The following RBM47 variants were observed in gnomAD, a reference collection of about 807,000 sequenced individuals.
RBM47 encodes the protein RNA binding motif protein 47.
In RBM47, 21 loss-of-function variants were observed where a neutral mutation model predicts 47.1. The observed-to-expected ratio is 0.45, with a 90% CI of 0.32 to 0.64. The LOEUF (loss-of-function observed/expected upper bound fraction) is 0.64, where lower values mean the gene tolerates loss of function less well. Among genes scored for constraint, RBM47 ranks in the 30% least tolerant of loss-of-function variants. The pLI is 0.05. For missense variants in RBM47, 708 were observed against 870.9 expected (o/e 0.81, Z 2.35); for synonymous variants, 375 against 361.7 (o/e 1.04, Z -0.42).
intron 1 of RBM47, among the ~76,000 whole-genome samples, chr4:40,558,310 A>G (rs1577956338): frequency 6.6e-6 from 1 of 152,082 alleles, no homozygotes; most frequent in African/African-American, 2.4e-5. Flanking sequence ...AACTTAAACT[A>G]TATCGAATTC....
intron 2 of RBM47, among the ~76,000 whole-genome samples, chr4:40,494,715 G>C (rs1221812190): frequency 1.3e-5 from 2 of 152,124 alleles, no homozygotes; most frequent in Non-Finnish European, 2.9e-5. Context: ...AGAAGCCAGG[G>C]ACAGGTACAG....
intron 1 of RBM47, among the ~76,000 whole-genome samples, chr4:40,565,651 T>C (rs1045249340): frequency 8.5e-5 from 13 of 152,210 alleles, no homozygotes; most frequent in African/African-American, 1.9e-4. Context: ...CTACTACTTA[T>C]ATTCTCTGAG....
intron 1 of RBM47, among the ~76,000 whole-genome samples, chr4:40,614,895 T>C (rs548905896): frequency 6.6e-6 from 1 of 152,024 alleles, no homozygotes; most frequent in African/African-American, 2.4e-5. Context: ...AGTTACTAGA[T>C]AGCGCCTCAT....
chr4:40,500,372 G>A (rs527696063), intron 2 of RBM47, among the ~76,000 whole-genome samples: 3 of 152,308 alleles, frequency 2.0e-5, no homozygotes, highest in East Asian at 3.9e-4. Context: ...AGCACTTCGG[G>A]AGGCCGAGAT....
At chr4:40,511,850 G>C (rs12503112) in intron 2 of RBM47, among the ~76,000 whole-genome samples, 1 of 150,576 alleles carries the variant, frequency 6.6e-6, no homozygotes, top group Non-Finnish European at 1.5e-5. Context: ...CAGGAGAATC[G>C]CCTGAACCTG....
chr4:40,600,888 G>A (rs1424338957), intron 1 of RBM47, among the ~76,000 whole-genome samples: 2 of 148,666 alleles, frequency 1.3e-5, no homozygotes, highest in South Asian at 2.1e-4. Flanking sequence ...AGGAGGCTGA[G>A]GGAGGAGAAT....
chr4:40,521,918 T>C lies in RBM47; in HGVS notation c.-155+22504A>G, dbSNP rs185034458. 8.5e-4 allele frequency among the ~76,000 whole-genome samples: 129 copies of C among 152,340 alleles called. 1 individual carries two copies. The highest frequency in any genetic ancestry group is 3.1e-3 in the African/African-American group (127 of 41,590). On this transcript the variant is annotated intron_variant, in intron 2 of 6. Coordinates refer to ENST00000295971, the MANE Select transcript of RBM47 (RefSeq NM_001098634.2). ...AGAAAAAATTTGGGGGCAACCTGCA[T>C]TTATCACCACAAGCTTGACTGCTTG...
At chr4:40,597,560 T>C (rs919664259) in intron 1 of RBM47, among the ~76,000 whole-genome samples, 3 of 152,206 alleles carry the variant, frequency 2.0e-5, no homozygotes, top group Non-Finnish European at 4.4e-5. Context: ...CCAGCCTGGG[T>C]GACAGAGAAA....
chr4:40,472,707 A>AATAT (rs1186167583), intron 2 of RBM47, among the ~76,000 whole-genome samples: 1 of 152,084 alleles, frequency 6.6e-6, no homozygotes, highest in Non-Finnish European at 1.5e-5. Flanking sequence ...TAGTAAGTGT[A>AATAT]ATATATATAT....
At chr4:40,437,130 AT>A (rs1712707896) in intron 4 of RBM47, among the ~76,000 whole-genome samples, 1 of 97,718 alleles carries the variant, frequency 1.0e-5, no homozygotes, top group African/African-American at 4.5e-5. Context: ...ATATATATAT[AT>A]AAAATACATA....
chr4:40,483,298 A>G (rs548594218), intron 2 of RBM47, among the ~76,000 whole-genome samples: 1 of 152,338 alleles, frequency 6.6e-6, no homozygotes, highest in East Asian at 1.9e-4. Context: ...AACAATGGCT[A>G]TTGATCCTAC....
chr4:40,558,542 AAT>A (rs1730311798), intron 1 of RBM47, among the ~76,000 whole-genome samples: 1 of 149,066 alleles, frequency 6.7e-6, no homozygotes, highest in Admixed American at 6.7e-5. Flanking sequence ...AAAAAAAAAA[AAT>A]GGGCCAGACA....
At chr4:40,574,466 C>G (rs530031321) in intron 1 of RBM47, among the ~76,000 whole-genome samples, 15 of 152,138 alleles carry the variant, frequency 9.9e-5, no homozygotes, top group Non-Finnish European at 2.2e-4. Context: ...TTAGACAAAC[C>G]TGTATTCTGT....
chr4:40,569,688 C>T (rs1375291620), intron 1 of RBM47, among the ~76,000 whole-genome samples: 4 of 150,644 alleles, frequency 2.7e-5, no homozygotes, highest in East Asian at 3.9e-4. Context: ...GGATTACAGG[C>T]GTGAGTCACC....
intron 1 of RBM47, among the ~76,000 whole-genome samples, chr4:40,624,952 C>T (rs925773653): frequency 7.5e-5 from 10 of 132,956 alleles, no homozygotes; most frequent in Admixed American, 2.6e-4. Context: ...TGGGTTCAAG[C>T]GATTCTCCTG....
intron 2 of RBM47, among the ~76,000 whole-genome samples, chr4:40,519,904 A>G (rs1345411977): frequency 1.3e-5 from 2 of 151,448 alleles, no homozygotes; most frequent in African/African-American, 4.9e-5. Context: ...TCTTGACTTC[A>G]TGATCCACCT....
chr4:40,564,947 A>G lies in RBM47; in HGVS notation c.-239-20441T>C, dbSNP rs1291418665. ...CGGAGCTTCTGAGCAAGGGCCCCAG[A>G]GGCTGAAGGCCTAGAAGGAGGGCTC... On this transcript the variant is annotated intron_variant, in intron 1 of 6. Transcript: ENST00000295971. Among the ~76,000 whole-genome samples the G allele has an allele frequency of 2.0e-5, 3 of 152,212 alleles. 1 individual carries two copies.
intron 5 of RBM47, among the ~76,000 whole-genome samples, chr4:40,433,182 A>AAG (rs1711620981): frequency 2.0e-5 from 3 of 151,982 alleles, no homozygotes; most frequent in African/African-American, 7.2e-5. Flanking sequence ...GCTGGTCTTG[A>AAG]ACTCCTGAGC....
intron 6 of RBM47, among the ~76,000 whole-genome samples, chr4:40,428,732 C>T (rs1238127424): frequency 1.3e-5 from 2 of 152,128 alleles, no homozygotes; most frequent in Non-Finnish European, 2.9e-5. Context: ...GAGTAGGTCC[C>T]CAAACCCATG....
Sources: allele counts gnomAD v4.1 joint callset (sites outside exome capture counted in the v4.1 genomes callset), GRCh38; gene constraint gnomAD v4.1.1; transcripts MANE v1.5; gene names NCBI Gene and HGNC (gene_info 2026-07-23, HGNC 2026-07-21).